Variants in ATXN7L1 observed in about 807,000 individuals in gnomAD.
ATXN7L1 encodes ataxin 7 like 1.
Under a neutral mutation model 70.8 loss-of-function variants are expected in ATXN7L1, and 15 were observed. That is an observed-to-expected ratio of 0.21 (90% confidence interval 0.14 to 0.33). ATXN7L1 has a LOEUF of 0.33. Ranked by LOEUF, ATXN7L1 falls within the 10% of genes least tolerant of loss-of-function variation. ATXN7L1 has a pLI of 1.00. For missense variants in ATXN7L1, 975 were observed against 1,097.1 expected (o/e 0.89, Z 1.57); for synonymous variants, 440 against 445.1 (o/e 0.99, Z 0.14).
At chr7:105,677,988 A>G (rs1227896524) in intron 3 of ATXN7L1, 27 of 985,178 alleles carry the variant, frequency 2.7e-5, no homozygotes, top group Non-Finnish European at 3.3e-5. Context: ...TAATAACGGA[A>G]CCATTTCTGT....
intron 2 of ATXN7L1, among the ~76,000 whole-genome samples, chr7:105,832,017 C>T (rs978356766): frequency 3.3e-5 from 5 of 152,060 alleles, no homozygotes; most frequent in African/African-American, 1.2e-4. Context: ...ATAATATAAG[C>T]CCCTAATGCT....
chr7:105,733,161 A>T (rs1331392615), intron 3 of ATXN7L1, among the ~76,000 whole-genome samples: 4 of 152,212 alleles, frequency 2.6e-5, no homozygotes, highest in African/African-American at 9.6e-5. Flanking sequence ...TCACTGTTGC[A>T]TTACCAATAC....
chr7:105,616,226 GA>G (rs932976671), intron 9 of ATXN7L1, among the ~76,000 whole-genome samples: 2 of 152,206 alleles, frequency 1.3e-5, no homozygotes, highest in Non-Finnish European at 2.9e-5. Flanking sequence ...ACACGTGCAA[GA>G]CAGGGCCTCA....
intron 3 of ATXN7L1, among the ~76,000 whole-genome samples, chr7:105,695,133 A>T (rs1264963467): frequency 6.6e-6 from 1 of 151,822 alleles, no homozygotes; most frequent in African/African-American, 2.4e-5. Flanking sequence ...CTAAAAATAC[A>T]AAAATTAGCC....
At chr7:105,788,746 C>G in intron 2 of ATXN7L1, 38 bp from the exon 3 acceptor site, 1 of 1,503,552 alleles carries the variant, frequency 6.7e-7, no homozygotes, top group South Asian at 1.1e-5. Flanking sequence ...TTTGAAAAAG[C>G]AATTAAGTCT....
At chr7:105,718,612 C>G (rs1444550735) in intron 3 of ATXN7L1, among the ~76,000 whole-genome samples, 1 of 152,200 alleles carries the variant, frequency 6.6e-6, no homozygotes, top group East Asian at 1.9e-4. Context: ...CAGTTTGCAT[C>G]TCTGCAGTTG....
intron 10 of ATXN7L1, among the ~76,000 whole-genome samples, chr7:105,612,598 T>C (rs1793254082): frequency 6.6e-6 from 1 of 152,138 alleles, no homozygotes; most frequent in South Asian, 2.1e-4. Flanking sequence ...GGGAGAGCCC[T>C]GTGGGTGCCA....
At chr7:105,876,303 C>CT (rs1819292479) in intron 1 of ATXN7L1, 75 bp downstream of exon 1, 3 of 1,475,658 alleles carry the variant, frequency 2.0e-6, no homozygotes, top group African/African-American at 1.4e-5. Context: ...CACACACACA[C>CT]TTTTTCCCAG....
chr7:105,865,690 T>G (rs993708164), intron 2 of ATXN7L1, among the ~76,000 whole-genome samples: 1 of 152,172 alleles, frequency 6.6e-6, no homozygotes, highest in Non-Finnish European at 1.5e-5. Flanking sequence ...CGTGAGCCAC[T>G]GCACCCGGGC....
rs1021117163 is a variant in ATXN7L1, at chr7:105,665,082, A to G, written c.562T>C (p.Ser188Pro). 8.4e-6 allele frequency: 13 copies of G among 1,551,086 alleles called. No individual in the cohort carries two copies. The highest frequency in any genetic ancestry group is 2.4e-5 in the South Asian group (2 of 84,024). Reference sequence around the variant, plus strand: ...CTGACTCACCATGGTTTATCCCTTGATCCTTTCGCAGGAAAGACTGTGTGC... The same window carrying G: ...CTGACTCACCATGGTTTATCCCTTGGTCCTTTCGCAGGAAAGACTGTGTGC... ...KQHTVFPAKG[S>P]RDKPCVPVPV... The change falls in exon 4 of 12, where the codon TCA becomes CCA. Residue 188 changes from serine (S) to proline (P), a missense_variant. Ser to Pro is a moderately conservative substitution (Grantham distance 74). This residue lies in a region of ATXN7L1 where 192 missense variants were observed against 215.5 expected (regional missense o/e 0.89). Transcript: ENST00000419735.
chr7:105,638,697 C>G, intron 6 of ATXN7L1, 88 bp from the exon 7 acceptor site: 1 of 1,439,254 alleles, frequency 6.9e-7, no homozygotes, highest in East Asian at 2.5e-5. Context: ...AATAGCAATT[C>G]ATGGAAATTT....
At chr7:105,855,754 T>A (rs1815629722) in intron 2 of ATXN7L1, among the ~76,000 whole-genome samples, 1 of 152,226 alleles carries the variant, frequency 6.6e-6, no homozygotes, top group Non-Finnish European at 1.5e-5. Context: ...GAGTCTATAC[T>A]GAACATGTAC....
intron 3 of ATXN7L1, among the ~76,000 whole-genome samples, chr7:105,712,251 G>A (rs1168810757): frequency 1.3e-5 from 2 of 152,174 alleles, no homozygotes; most frequent in Non-Finnish European, 2.9e-5. Flanking sequence ...GTGATGGGAG[G>A]GGCTGCTGTG....
chr7:105,780,910 G>C (rs899821096), intron 3 of ATXN7L1, among the ~76,000 whole-genome samples: 1 of 152,030 alleles, frequency 6.6e-6, no homozygotes, highest in Non-Finnish European at 1.5e-5. Context: ...ATTTTACTTT[G>C]ATAAAAAATT....
chr7:105,664,575 G>GTGTATA, intron 4 of ATXN7L1, among the ~76,000 whole-genome samples: 3 of 131,974 alleles, frequency 2.3e-5, no homozygotes, highest in Non-Finnish European at 3.3e-5. Context: ...GTATGTGTGT[G>GTGTATA]TATATATATA....
intron 2 of ATXN7L1, among the ~76,000 whole-genome samples, chr7:105,790,757 C>T (rs535401593): frequency 1.3e-5 from 2 of 151,004 alleles, no homozygotes; most frequent in African/African-American, 2.4e-5. Context: ...CCCATGGTCA[C>T]ATCTTGTGCA....
At chr7:105,745,259 T>A (rs982810152) in intron 3 of ATXN7L1, among the ~76,000 whole-genome samples, 1 of 152,054 alleles carries the variant, frequency 6.6e-6, no homozygotes, top group Non-Finnish European at 1.5e-5. Context: ...AAAAAACCAA[T>A]CTGTATAGAT....
chr7:105,664,575 G>GTGTATGTGTGTATA, intron 4 of ATXN7L1, among the ~76,000 whole-genome samples: 3 of 131,982 alleles, frequency 2.3e-5, no homozygotes, highest in African/African-American at 5.7e-5. Flanking sequence ...GTATGTGTGT[G>GTGTATGTGTGTATA]TATATATATA....
At chr7:105,671,889 C>CAAAAAA (rs55748938) in intron 3 of ATXN7L1, among the ~76,000 whole-genome samples, 1 of 56,430 alleles carries the variant, frequency 1.8e-5, no homozygotes, top group African/African-American at 7.6e-5. Flanking sequence ...GACCCTGTCT[C>CAAAAAA]AAAAAAAAAA....
Sources: allele counts gnomAD v4.1 joint callset (sites outside exome capture counted in the v4.1 genomes callset), GRCh38; gene constraint gnomAD v4.1.1; regional missense constraint gnomAD v4.1.1; transcripts MANE v1.5; gene names NCBI Gene and HGNC (gene_info 2026-07-23, HGNC 2026-07-21).